Variants in DUOXA2 observed in about 807,000 individuals in gnomAD.
The protein encoded by DUOXA2 is dual oxidase maturation factor 2.
Under a neutral mutation model 27.6 loss-of-function variants are expected in DUOXA2, and 22 were observed. The observed-to-expected ratio is 0.80, with a 90% CI of 0.57 to 1.14. The LOEUF (loss-of-function observed/expected upper bound fraction) is 1.14, where lower values mean the gene tolerates loss of function less well. Ranked by LOEUF, DUOXA2 falls within the 50% of genes most tolerant of loss-of-function variation. The pLI is 0.00. For missense variants in DUOXA2, 481 were observed against 419.9 expected, an observed-to-expected ratio of 1.15 and a Z score of -1.27; for synonymous variants, 188 against 184.4, an observed-to-expected ratio of 1.02 and a Z score of -0.16.
rs746432117 is a variant in DUOXA2 at position 45,117,966 on chromosome 15, T to G, written c.*57T>G. 3.1e-6 allele frequency: 5 copies of G among 1,612,764 alleles called. No individual in the cohort carries two copies. Among genetic ancestry groups the G allele is most frequent in the Non-Finnish European group, 4.2e-6 (5 of 1,179,724 alleles). On this transcript the variant is annotated 3_prime_UTR_variant, in exon 6 of 6. Transcript: ENST00000323030. Reference sequence around the variant, plus strand: ...TGGGACATCGCAGGCCGGGAAGCAGTGCCCGCCAGGCCTGGGCCAGGAGAG... The same window carrying G: ...TGGGACATCGCAGGCCGGGAAGCAGGGCCCGCCAGGCCTGGGCCAGGAGAG...
At chr15:45,115,937 TG>T (rs1413896489) in intron 2 of DUOXA2, 81 bp downstream of exon 2, 5 of 1,607,028 alleles carry the variant, frequency 3.1e-6, no homozygotes, top group Non-Finnish European at 3.4e-6. Context: ...AATAGGGAAC[TG>T]GGGTTGGTTT....
chr15:45,117,238 G>A lies in DUOXA2; in HGVS notation c.702G>A (p.Pro234=). Residue 234 remains proline (P), a synonymous_variant, in exon 5 of 6, where the codon CCG becomes CCA. Coordinates refer to ENST00000323030, the MANE Select transcript of DUOXA2 (RefSeq NM_207581.4). ...CCATCTCTAGCGTGCCGCTCTGCCC[G>A]CTCCGCCTAGGCTCCTCCGCGCTCA... The part of the protein sequence containing the change: ...LASISSVPLC[P]LRLGSSALTT... 6.2e-7 allele frequency: 1 copy of A among 1,610,118 alleles called. No homozygotes were observed. The highest frequency in any genetic ancestry group is 1.3e-5 in the African/African-American group (1 of 75,036).
intron 2 of DUOXA2, 66 bp downstream of exon 2, chr15:45,115,922 G>T: frequency 6.2e-7 from 1 of 1,606,322 alleles, no homozygotes; most frequent in Non-Finnish European, 8.5e-7. Context: ...GAGGGCACCT[G>T]GGACAATAGG....
At chr15:45,117,413 C>T (rs1328895327) in intron 5 of DUOXA2, 108 bp downstream of exon 5, 139 of 1,512,016 alleles carry the variant, frequency 9.2e-5, no homozygotes, top group Non-Finnish European at 1.1e-4. Flanking sequence ...ACCCTATTTG[C>T]CCCTCTCAAT....
chr15:45,117,801 C>G lies in DUOXA2; in HGVS notation c.855C>G (p.Ser285Arg). 1.2e-6 allele frequency: 2 copies of G among 1,613,974 alleles called. No homozygotes were observed. The highest frequency in any genetic ancestry group is 1.7e-6 in the Non-Finnish European group (2 of 1,180,052). ...CTCTTCGCACCCTTCTGGACCAAAG[C>G]GCCAAGGACTGCAGCCAGGAGAGAG... ...PSALRTLLDQ[S>R]AKDCSQERGG... The change falls in exon 6 of 6, where the codon AGC becomes AGG. Residue 285 changes from serine to arginine, a missense_variant. Coordinates refer to ENST00000323030, the MANE Select transcript of DUOXA2 (RefSeq NM_207581.4).
At position 45,118,351 on chromosome 15, in the gene DUOXA2, C is replaced by T. The variant is rs1894828918; in HGVS notation, c.*442C>T. Reference sequence around the variant, plus strand: ...GTGATGAGGCAGGTCACCCACTCCCCCGTCCTGGATGCCACTCAGCTAGCC... The same window carrying T: ...GTGATGAGGCAGGTCACCCACTCCCTCGTCCTGGATGCCACTCAGCTAGCC... On this transcript the variant is annotated 3_prime_UTR_variant, in exon 6 of 6. Transcript: ENST00000323030. 8.5e-7 allele frequency: 1 copy of T among 1,170,412 alleles called. No homozygotes were observed. The highest frequency in any genetic ancestry group is 4.3e-5 in the East Asian group (1 of 23,264). 72.5% of individuals were successfully genotyped at this position (1,170,412 alleles called of 1,614,324 possible).
intron 5 of DUOXA2, 143 bp downstream of exon 5, chr15:45,117,448 T>C (rs1456900236): frequency 2.6e-6 from 4 of 1,541,656 alleles, no homozygotes; most frequent in Non-Finnish European, 3.5e-6. Flanking sequence ...GGCACTGTTA[T>C]GACCATTTTA....
intron 1 of DUOXA2, chr15:45,115,367 A>C (rs1391913616): frequency 6.5e-6 from 3 of 460,332 alleles, no homozygotes; most frequent in Non-Finnish European, 1.3e-5. Context: ...TGCACCTAGG[A>C]GTATCTGCAT....
rs773820761 is a variant in DUOXA2 at position 45,114,678 on chromosome 15, C to T, written c.73C>T (p.Leu25Phe). The change falls in exon 1 of 6, where the codon CTC becomes TTC. Residue 25 changes from leucine (L) to phenylalanine (F), a missense_variant. Leu to Phe is a conservative substitution (Grantham distance 22, BLOSUM62 0). Transcript: ENST00000323030. ...RHAAGFSVPL[L>F]IVILVFLALA... The stretch of plus-strand genomic sequence containing the variant: ...TGCCGCAGGCTTCAGCGTTCCACTG[C>T]TCATCGTTATTCTAGTGTTTTTGGC... 2.5e-6 allele frequency: 4 copies of T among 1,614,240 alleles called. No homozygotes were observed. Among genetic ancestry groups the T allele is most frequent in the South Asian group, 1.1e-5 (1 of 91,090 alleles).
In DUOXA2 at chr15:45,117,074, C is replaced by G; in HGVS notation, c.555-17C>G. Reference sequence around the variant, plus strand: ...GGGAGAAGCCCGCTCACAGCGGGTCCCCCCACTCCCCGGCAGGGTGGCGTT... The same window carrying G: ...GGGAGAAGCCCGCTCACAGCGGGTCGCCCCACTCCCCGGCAGGGTGGCGTT... On this transcript the variant is annotated splice_polypyrimidine_tract_variant and intron_variant, in intron 4 of 5. Transcript: ENST00000323030. The G allele has an allele frequency of 6.3e-7, 1 of 1,596,942 alleles. No homozygotes were observed. Among genetic ancestry groups the G allele is most frequent in the Non-Finnish European group, 8.5e-7 (1 of 1,179,264 alleles).
chr15:45,117,935 C>T lies in DUOXA2; in HGVS notation c.*26C>T, dbSNP rs777311888. The T allele has an allele frequency of 3.4e-5, 55 of 1,613,060 alleles. No individual in the cohort carries two copies. The highest frequency in any genetic ancestry group is 2.5e-6 in the Non-Finnish European group (3 of 1,180,004). On this transcript the variant is annotated 3_prime_UTR_variant, in exon 6 of 6. Transcript: ENST00000323030. Reference sequence around the variant, plus strand: ...GGGGGACCCAATCTGGACTCCTTCCCCGCCTTGGGACATCGCAGGCCGGGA... The same window carrying T: ...GGGGGACCCAATCTGGACTCCTTCCTCGCCTTGGGACATCGCAGGCCGGGA...
At chr15:45,117,368 C>A in intron 5 of DUOXA2, 63 bp downstream of exon 5, 1 of 1,512,914 alleles carries the variant, frequency 6.6e-7, no homozygotes, top group Non-Finnish European at 8.9e-7. Flanking sequence ...ACCGGGTGTG[C>A]ACTTTCCAGT....
At chr15:45,117,515 T>C (rs1247220664) in intron 5 of DUOXA2, 1 of 1,554,672 alleles carries the variant, frequency 6.4e-7, no homozygotes, top group South Asian at 1.2e-5. Flanking sequence ...TTCATGTAAT[T>C]CAGATTAGAG....
intron 3 of DUOXA2, 55 bp downstream of exon 3, chr15:45,116,313 G>A (rs552661129): frequency 1.2e-6 from 2 of 1,608,804 alleles, no homozygotes. Context: ...CCGGTTAGGT[G>A]AGTGTGTCAG....
At position 45,116,548 on chromosome 15, in the gene DUOXA2, G is replaced by A; in HGVS notation, c.373G>A (p.Asp125Asn). 6.2e-7 allele frequency: 1 copy of A among 1,613,962 alleles called. No homozygotes were observed. ...AGTGCATCAGCTGAACGAGACCATT[G>A]ACTACAACGAGCAGTTCACCTGGCG... Reference protein sequence around the residue: ...TPVHQLNETIDYNEQFTWRLK... With the variant: ...TPVHQLNETINYNEQFTWRLK... Residue 125 changes from aspartate to asparagine, a missense_variant, in exon 4 of 6, where the codon GAC (aspartate) becomes AAC (asparagine). Asp to Asn is a conservative substitution (Grantham distance 23). Transcript: ENST00000323030.
rs1435982864 is a variant in DUOXA2, at chr15:45,117,103, C to T, written c.567C>T (p.Cys189=). Reference sequence around the variant, plus strand: ...CACTCCCCGGCAGGGTGGCGTTCTGCTTCTGGCTCCTCTCCAACGTGCTGC... The same window carrying T: ...CACTCCCCGGCAGGGTGGCGTTCTGTTTCTGGCTCCTCTCCAACGTGCTGC... The part of the protein sequence containing the change: ...YASATLWVAF[C]FWLLSNVLLS... Residue 189 remains cysteine (C), a synonymous_variant, in exon 5 of 6, where the codon TGC becomes TGT. Transcript: ENST00000323030. 6.3e-7 allele frequency: 1 copy of T among 1,599,386 alleles called. No homozygotes were observed. The highest frequency in any genetic ancestry group is 1.1e-5 in the South Asian group (1 of 91,044).
Position 45,117,324 on chromosome 15 carries a change from G to A in DUOXA2, c.769+19G>A. ...GCAACCGGTGAGGACCGAGAGAATG[G>A]GCCCCGGGGGCTAAGGGTGGAGACA... On this transcript the variant is annotated intron_variant, in intron 5 of 5. Coordinates refer to ENST00000323030, the MANE Select transcript of DUOXA2 (RefSeq NM_207581.4). The A allele has an allele frequency of 6.4e-7, 1 of 1,570,130 alleles. No individual in the cohort carries two copies. The highest frequency in any genetic ancestry group is 2.3e-5 in the East Asian group (1 of 43,744).
chr15:45,114,718 T>C lies in DUOXA2; in HGVS notation c.113T>C (p.Phe38Ser). ...ILVFLALAAS[F>S]LLILPGIRGH... ...GTGTTTTTGGCTCTAGCAGCAAGCT[T>C]CCTGCTCATCTTGCCGGGGATCCGT... is the stretch of plus-strand genomic sequence containing the variant. The change falls in exon 1 of 6, where the codon TTC becomes TCC. Residue 38 changes from phenylalanine to serine, a missense_variant. Phe to Ser is a radical substitution (Grantham distance 155). Coordinates refer to ENST00000323030, the MANE Select transcript of DUOXA2 (RefSeq NM_207581.4). 1.2e-6 allele frequency: 2 copies of C among 1,614,228 alleles called. No individual in the cohort carries two copies. The highest frequency in any genetic ancestry group is 1.7e-6 in the Non-Finnish European group (2 of 1,180,040).
rs779179647 is a variant in DUOXA2, at chr15:45,114,727, T to A, written c.122T>A (p.Ile41Asn). 2 of 1,614,224 alleles carry A rather than the reference T, an allele frequency of 1.2e-6. No homozygotes were observed. The highest frequency in any genetic ancestry group is 1.7e-6 in the Non-Finnish European group (2 of 1,180,028). ...FLALAASFLLILPGIRGHSRW... is the reference protein window; with the variant it reads ...FLALAASFLLNLPGIRGHSRW... ...GCTCTAGCAGCAAGCTTCCTGCTCATCTTGCCGGGGATCCGTGGCCACTCG... is the reference window on the plus strand; with the variant it reads ...GCTCTAGCAGCAAGCTTCCTGCTCAACTTGCCGGGGATCCGTGGCCACTCG... The change falls in exon 1 of 6, where the codon ATC (isoleucine) becomes AAC (asparagine). Residue 41 changes from isoleucine (I) to asparagine (N), a missense_variant. Ile to Asn is a moderately radical substitution (Grantham distance 149). Transcript: ENST00000323030.
Sources: gnomAD v4.1 joint callset for allele counts on GRCh38, gnomAD v4.1.1 for gene constraint, MANE v1.5 for transcripts, NCBI Gene and HGNC (gene_info 2026-07-23, HGNC 2026-07-21) for gene names.